CDYL: variants seen among roughly 807,000 people sequenced by gnomAD.
CDYL encodes chromodomain Y-like protein.
A neutral mutation model predicts 47.3 loss-of-function variants in CDYL; 8 were observed. The observed-to-expected ratio is 0.17, with a 90% CI of 0.10 to 0.31. The LOEUF (loss-of-function observed/expected upper bound fraction) is 0.31. Ranked by LOEUF, CDYL falls within the 10% of genes least tolerant of loss-of-function variation. The pLI, the probability that CDYL is intolerant of heterozygous loss-of-function variation, is 1.00. For missense variants in CDYL, 471 were observed against 701.4 expected, an observed-to-expected ratio of 0.67 and a Z score of 3.71; for synonymous variants, 266 against 265.0, an observed-to-expected ratio of 1.00 and a Z score of -0.04.
chr6:4,853,223 T>C (rs746742000), intron 1 of CDYL, among the ~76,000 whole-genome samples: 1 of 152,230 alleles, frequency 6.6e-6, no homozygotes, highest in Non-Finnish European at 1.5e-5. Context: ...TTACTGAGCA[T>C]GTACATTTGT....
intron 2 of CDYL, among the ~76,000 whole-genome samples, chr6:4,930,864 G>C (rs1178675209): frequency 6.6e-6 from 1 of 152,224 alleles, no homozygotes; most frequent in Non-Finnish European, 1.5e-5. Context: ...AAATCCGTAA[G>C]GAACTCTCAG....
intron 1 of CDYL, among the ~76,000 whole-genome samples, chr6:4,884,328 GT>G (rs1761844378): frequency 6.6e-6 from 1 of 152,144 alleles, no homozygotes; most frequent in Admixed American, 6.5e-5. Context: ...CATGGTTAAG[GT>G]CAGGATTTTA....
intron 1 of CDYL, among the ~76,000 whole-genome samples, chr6:4,867,167 A>C (rs182019480): frequency 1.3e-5 from 2 of 152,098 alleles, no homozygotes; most frequent in African/African-American, 4.8e-5. Flanking sequence ...TTCATTTCTA[A>C]TGTTTTGTTT....
At chr6:4,893,231 C>G (rs1201009717) in intron 2 of CDYL, among the ~76,000 whole-genome samples, 1 of 152,232 alleles carries the variant, frequency 6.6e-6, no homozygotes, top group African/African-American at 2.4e-5. Flanking sequence ...ACCCCATTGC[C>G]TTCAGTAGCA....
intron 1 of CDYL, among the ~76,000 whole-genome samples, chr6:4,813,535 C>T (rs947741296): frequency 2.0e-5 from 3 of 152,300 alleles, no homozygotes; most frequent in East Asian, 3.9e-4. Context: ...ATCATTTATT[C>T]TTCTGCCACT....
chr6:4,755,999 T>C (rs1478295347), intron 3 of CDYL, among the ~76,000 whole-genome samples: 2 of 152,244 alleles, frequency 1.3e-5, no homozygotes, highest in African/African-American at 4.8e-5. Flanking sequence ...CTCCTCCTTA[T>C]TATTTCTCCT....
At chr6:4,820,152 A>T (rs1422805157) in intron 1 of CDYL, among the ~76,000 whole-genome samples, 4 of 152,204 alleles carry the variant, frequency 2.6e-5, no homozygotes, top group African/African-American at 9.6e-5. Flanking sequence ...CACAGATGCC[A>T]GCACAGAGAG....
chr6:4,842,686 C>T (rs540979668), intron 1 of CDYL, among the ~76,000 whole-genome samples: 4 of 152,150 alleles, frequency 2.6e-5, no homozygotes, highest in African/African-American at 7.2e-5. Context: ...CTCTTCACAA[C>T]AGATACTAGG....
intron 1 of CDYL, among the ~76,000 whole-genome samples, chr6:4,873,894 G>T (rs539938069): frequency 6.6e-6 from 1 of 152,136 alleles, no homozygotes; most frequent in Non-Finnish European, 1.5e-5. Context: ...GCCACTGCTT[G>T]CTCATTCTGG....
chr6:4,802,908 C>T (rs62386577), intron 1 of CDYL, among the ~76,000 whole-genome samples: 18,935 of 152,094 alleles, frequency 0.12, 1,231 homozygotes, highest in South Asian at 0.15. Context: ...ACAGTGTGGC[C>T]TGGTACCTTT....
intron 2 of CDYL, among the ~76,000 whole-genome samples, chr6:4,933,833 C>G (rs1361594298): frequency 6.6e-6 from 1 of 152,182 alleles, no homozygotes; most frequent in East Asian, 1.9e-4. Flanking sequence ...TTATGTGTCA[C>G]TGTGTTGTTG....
rs894908965 is a variant in CDYL, at chr6:4,880,930, A to G, written c.25-10783A>G. Reference sequence around the variant, plus strand: ...GCCGTTTGTCAGATAAGTCCTTTGCAAATATTTTCTTGCAGTTTGTGGTTT... The same window carrying G: ...GCCGTTTGTCAGATAAGTCCTTTGCGAATATTTTCTTGCAGTTTGTGGTTT... On this transcript the variant is annotated intron_variant, in intron 1 of 6. Coordinates refer to ENST00000397588, the MANE Select transcript of CDYL (RefSeq NM_004824.4). 4.1e-4 allele frequency among the ~76,000 whole-genome samples: 62 copies of G among 152,238 alleles called. 1 individual carries two copies. The highest frequency in any genetic ancestry group is 1.5e-3 in the African/African-American group (62 of 41,460).
chr6:4,897,041 G>A (rs1454655454), intron 2 of CDYL, among the ~76,000 whole-genome samples: 3 of 152,156 alleles, frequency 2.0e-5, no homozygotes, highest in Non-Finnish European at 4.4e-5. Flanking sequence ...TAAAATTTAG[G>A]TGATGCAGCT....
chr6:4,753,155 G>A (rs1236941612), intron 3 of CDYL, among the ~76,000 whole-genome samples: 2 of 152,082 alleles, frequency 1.3e-5, no homozygotes, highest in African/African-American at 4.8e-5. Context: ...CAAGCAATCT[G>A]CCCGCCTCTG....
At chr6:4,753,987 A>G (rs1758037023) in intron 3 of CDYL, among the ~76,000 whole-genome samples, 1 of 152,014 alleles carries the variant, frequency 6.6e-6, no homozygotes, top group African/African-American at 2.4e-5. Context: ...TACCTTTTGT[A>G]AATCGACTTG....
chr6:4,787,742 A>C (rs1262723896), intron 1 of CDYL, among the ~76,000 whole-genome samples: 1 of 147,488 alleles, frequency 6.8e-6, no homozygotes, highest in African/African-American at 2.5e-5. Context: ...GGAGGTGCGG[A>C]CAGGCTGCTC....
intron 1 of CDYL, among the ~76,000 whole-genome samples, chr6:4,832,886 G>T (rs1760188766): frequency 1.3e-5 from 2 of 150,548 alleles, no homozygotes; most frequent in Admixed American, 6.6e-5. Context: ...AGTATTCTCT[G>T]ATGGTAGTTT....
chr6:4,820,927 G>A (rs987532803), intron 1 of CDYL, among the ~76,000 whole-genome samples: 2 of 152,226 alleles, frequency 1.3e-5, no homozygotes, highest in African/African-American at 4.8e-5. Context: ...CATCTGGAAT[G>A]TGACATCCAC....
chr6:4,796,830 G>A (rs1264163810), intron 1 of CDYL, among the ~76,000 whole-genome samples: 1 of 152,026 alleles, frequency 6.6e-6, no homozygotes, highest in Non-Finnish European at 1.5e-5. Context: ...GTTTAATTTT[G>A]TTATTACTAT....
Sources: allele counts gnomAD v4.1 joint callset (sites outside exome capture counted in the v4.1 genomes callset), GRCh38; gene constraint gnomAD v4.1.1; transcripts MANE v1.5; gene names NCBI Gene and HGNC (gene_info 2026-07-23, HGNC 2026-07-21).